The following PKD1 variants were observed in gnomAD, a reference collection of about 807,000 sequenced individuals.
PKD1 encodes polycystin 1, transient receptor potential channel interacting, also known as polycystin-1.
Under a neutral mutation model 361.7 loss-of-function variants are expected in PKD1, and 81 were observed. The observed-to-expected ratio is 0.22, with a 90% CI of 0.19 to 0.27. PKD1 has a LOEUF of 0.27. Ranked by LOEUF, PKD1 falls within the 10% of genes least tolerant of loss-of-function variation. The probability of loss-of-function intolerance (pLI) is 1.00; values close to 1 mark genes in which losing one functional copy is unlikely to be tolerated. For synonymous variants in PKD1, 3,615 were observed against 2,818.3 expected (o/e 1.28, Z -8.95); for missense variants, 6,399 against 6,118.3 (o/e 1.05, Z -1.53).
In PKD1 at chr16:2,105,383, G is replaced by C. The variant is rs539548737; in HGVS notation, c.7955C>G (p.Ser2652Cys). Residue 2652 changes from serine (S) to cysteine (C), a missense_variant, in exon 21 of 46, where the codon TCC (serine) becomes TGC (cysteine). Physicochemically the swap from Ser to Cys is moderately radical, Grantham distance 112. Transcript: ENST00000262304. ...IRKNITETLVSLRVHTVDDIQ... is the reference protein window; with the variant it reads ...IRKNITETLVCLRVHTVDDIQ... ...GTCATCCACAGTGTGGACCCTCAGGGACACCAGAGTCTCCGTGATGTTCTT... is the reference window on the plus strand; with the variant it reads ...GTCATCCACAGTGTGGACCCTCAGGCACACCAGAGTCTCCGTGATGTTCTT... 8.8e-6 allele frequency: 14 copies of C among 1,586,600 alleles called. No individual in the cohort carries two copies. The Admixed American group carries it at 1.7e-4, about 19-fold the overall frequency.
At position 2,102,108 on chromosome 16, in the gene PKD1, C is replaced by T. The variant is rs766155189; in HGVS notation, c.9350G>A (p.Arg3117His). The change falls in exon 26 of 46, where the codon CGC becomes CAC. Residue 3117 changes from arginine (R) to histidine (H), a missense_variant. Transcript: ENST00000262304. ...RAIPFCGQRG[R>H]FKYEILVKTG... ...CTTGACGAGGATCTCGTACTTGAAG[C>T]GGCCCCGCTGCCCACAGAAAGGGAT... 2.8e-5 allele frequency: 44 copies of T among 1,565,400 alleles called. 2 individuals carry two copies. Among genetic ancestry groups the T allele is most frequent in the South Asian group, 1.1e-4 (10 of 89,344 alleles).
intron 22 of PKD1, 79 bp from the exon 23 acceptor site, chr16:2,103,974 G>A: frequency 3.2e-6 from 2 of 617,474 alleles, no homozygotes; most frequent in Non-Finnish European, 5.0e-6. Context: ...GGAGCCGGAG[G>A]GTGGGGGCTG....
At chr16:2,094,040 G>C in intron 35 of PKD1, 27 bp from the exon 36 acceptor site, 2 of 1,592,580 alleles carry the variant, frequency 1.3e-6, no homozygotes, top group South Asian at 1.1e-5. Context: ...AGACCTGTGA[G>C]AGGCAGCTCA....
chr16:2,107,467 C>T (rs1047106486), intron 16 of PKD1: 7 of 366,496 alleles, frequency 1.9e-5, no homozygotes, highest in South Asian at 4.7e-5. Context: ...CAGCAGGCCC[C>T]GCCTGACAGC....
At chr16:2,103,148 G>A (rs1316470255) in intron 23 of PKD1, 118 bp downstream of exon 23, 20 of 1,341,468 alleles carry the variant, frequency 1.5e-5, no homozygotes, top group African/African-American at 2.9e-5. Flanking sequence ...CAGGCCCCCA[G>A]CAGCCCATGA....
intron 1 of PKD1, among the ~76,000 whole-genome samples, chr16:2,125,946 C>T (rs552675465): frequency 7.9e-5 from 12 of 152,280 alleles, no homozygotes; most frequent in East Asian, 3.9e-4. Context: ...AACACCTCCC[C>T]GGGCAGCCAG....
At chr16:2,091,641 G>A (rs1215935014) in intron 41 of PKD1, 44 bp from the exon 42 acceptor site, 12 of 1,557,446 alleles carry the variant, frequency 7.7e-6, no homozygotes, top group South Asian at 3.5e-5. Flanking sequence ...GGCAGGGCGG[G>A]AGCTGCGGGG....
At position 2,099,363 on chromosome 16, in the gene PKD1, C is replaced by T. The variant is rs1392074662; in HGVS notation, c.10050+281G>A. 20 of 475,384 alleles carry T rather than the reference C, an allele frequency of 4.2e-5. No homozygotes were observed. In the East Asian group the frequency reaches 5.1e-4, roughly 12 times the overall value. The allele number at this position is 475,384 out of a possible 1,614,324, so 29.4% of individuals were successfully genotyped here. ...TGCATTTCGGAAGCGTGCACAGCCG[C>T]GTGCTTGCTTCTTCTGAGTTATCTG... On this transcript the variant is annotated intron_variant, in intron 30 of 45. Transcript: ENST00000262304.
At chr16:2,101,032 C>T (rs1448984210) in intron 26 of PKD1, among the ~76,000 whole-genome samples, 1 of 151,982 alleles carries the variant, frequency 6.6e-6, no homozygotes, top group Admixed American at 6.6e-5. Context: ...GTCACCCAGG[C>T]TGGAGTGCAG....
chr16:2,090,246 C>G (rs776617808), intron 45 of PKD1, 39 bp downstream of exon 45: 1 of 1,608,970 alleles, frequency 6.2e-7, no homozygotes, highest in Non-Finnish European at 8.5e-7. Context: ...GGGCAGAGCC[C>G]AGGGCGTGTC....
At position 2,099,963 on chromosome 16, in the gene PKD1, C is replaced by T. The variant is rs771445965; in HGVS notation, c.9821G>A (p.Arg3274His). The change falls in exon 29 of 46, where the codon CGT becomes CAT. Residue 3274 changes from arginine (R) to histidine (H), a missense_variant. Transcript: ENST00000262304. ...LSIWDRPPRS[R>H]FTRIQRATCC... ...GGTGGCCCTCTGGATGCGAGTGAAACGGCTACGAGGCGGCCGGTCCCATAT... is the reference window on the plus strand; with the variant it reads ...GGTGGCCCTCTGGATGCGAGTGAAATGGCTACGAGGCGGCCGGTCCCATAT... 2.6e-5 allele frequency: 40 copies of T among 1,563,642 alleles called. No individual in the cohort carries two copies. The highest frequency in any genetic ancestry group is 1.7e-4 in the East Asian group (7 of 42,118).
Position 2,092,026 on chromosome 16 carries a change from C to G in PKD1, c.11411+21G>C, listed in dbSNP as rs1194854766. 2.5e-6 allele frequency: 4 copies of G among 1,612,608 alleles called. No individual in the cohort carries two copies. The East Asian group carries it at 6.7e-5, about 27-fold the overall frequency. On this transcript the variant is annotated intron_variant, in intron 40 of 45. Transcript: ENST00000262304. Reference sequence around the variant, plus strand: ...CTCCCTTGTCCTTGGCGTAGACGCCCGGGGCCCTCGCTCTGCTCACCCCAG... The same window carrying G: ...CTCCCTTGTCCTTGGCGTAGACGCCGGGGGCCCTCGCTCTGCTCACCCCAG...
chr16:2,132,903 G>A (rs1460417983), intron 1 of PKD1, among the ~76,000 whole-genome samples: 1 of 150,322 alleles, frequency 6.7e-6, no homozygotes, highest in African/African-American at 2.5e-5. Flanking sequence ...CCAATATGGA[G>A]AAACCCTGTC....
intron 7 of PKD1, 79 bp from the exon 8 acceptor site, chr16:2,116,723 C>T (rs1337539450): frequency 1.3e-5 from 15 of 1,185,036 alleles, no homozygotes; most frequent in Middle Eastern, 2.7e-4. Context: ...CCGAGCCGCC[C>T]GAAAACCCCC....
chr16:2,108,792 G>A lies in PKD1; in HGVS notation c.6375C>T (p.Asn2125=), dbSNP rs374507452. 3.2e-5 allele frequency: 50 copies of A among 1,570,088 alleles called. No individual in the cohort carries two copies. The highest frequency in any genetic ancestry group is 1.3e-4 in the Admixed American group (7 of 55,096). Residue 2125 remains asparagine, a synonymous_variant, in exon 15 of 46, where the codon AAC becomes AAT. Coordinates refer to ENST00000262304, the MANE Select transcript of PKD1 (RefSeq NM_001009944.3). ...LRPGDYRVQV[N]ASNLVSFFVA... ...CGAAGAAGCTCACCAGGTTGGAGGC[G>A]TTCACCTGCACGCGGTAGTCCCCAG...
rs1213486088 is a variant in PKD1, at chr16:2,091,046, G to A, written c.11841C>T (p.Ala3947=). The change falls in exon 43 of 46, where the codon GCC becomes GCT. Residue 3947 remains alanine, a synonymous_variant. Transcript: ENST00000262304. The part of the protein sequence containing the change: ...ARWLLVALTA[A]TALVRLAQLG... ...GCTGGGCGAGGCGTACCAGTGCCGT[G>A]GCCGCCGTCAGCGCCACCAGCAGCC... is the stretch of plus-strand genomic sequence containing the variant. The A allele has an allele frequency of 3.3e-6, 5 of 1,525,920 alleles. No individual in the cohort carries two copies. Among genetic ancestry groups the A allele is most frequent in the South Asian group, 2.4e-5 (2 of 83,604 alleles). 94.5% of individuals were successfully genotyped at this position (1,525,920 alleles called of 1,614,324 possible).
At chr16:2,121,644 G>A (rs375100069) in intron 1 of PKD1, among the ~76,000 whole-genome samples, 8 of 152,050 alleles carry the variant, frequency 5.3e-5, no homozygotes, top group South Asian at 2.1e-4. Context: ...GGGGCAAACC[G>A]AGAACTCCAC....
chr16:2,127,076 G>A (rs1204714799), intron 1 of PKD1, among the ~76,000 whole-genome samples: 1 of 152,092 alleles, frequency 6.6e-6, no homozygotes. Context: ...CCGGGAAGGG[G>A]GACGTCGAGG....
chr16:2,110,106 C>A lies in PKD1; in HGVS notation c.5061G>T (p.Val1687=), dbSNP rs1360264687. The A allele has an allele frequency of 6.2e-7, 1 of 1,609,676 alleles. No homozygotes were observed. Among genetic ancestry groups the A allele is most frequent in the Non-Finnish European group, 8.5e-7 (1 of 1,179,392 alleles). The change falls in exon 15 of 46, where the codon GTG becomes GTT. Residue 1687 remains valine, a synonymous_variant. Transcript: ENST00000262304. ...GCACATGGTAGGTGCCGGCCTCGAG[C>A]ACGGTGAGCGAGAAGCCTTTGCCGC... The part of the protein sequence containing the change: ...AGSGKGFSLT[V]LEAGTYHVQL...
Sources: gnomAD v4.1 joint callset for allele counts (sites outside exome capture counted in the v4.1 genomes callset) on GRCh38, gnomAD v4.1.1 for gene constraint, MANE v1.5 for transcripts, NCBI Gene and HGNC (gene_info 2026-07-23, HGNC 2026-07-21) for gene names.